The following GMDS variants were observed in gnomAD, a reference collection of about 807,000 sequenced individuals.
GMDS encodes GDP-mannose 4,6-dehydratase.
Under a neutral mutation model 49.9 loss-of-function variants are expected in GMDS, and 20 were observed. That is an observed-to-expected ratio of 0.40 (90% CI 0.28 to 0.58). The LOEUF (loss-of-function observed/expected upper bound fraction) is 0.58. GMDS is among the 20% of genes least tolerant of loss of function. The pLI, the probability that GMDS is intolerant of heterozygous loss-of-function variation, is 0.42. For synonymous variants in GMDS, 177 were observed against 178.6 expected (o/e 0.99, Z 0.07); for missense variants, 362 against 481.4 (o/e 0.75, Z 2.32).
intron 4 of GMDS, among the ~76,000 whole-genome samples, chr6:2,037,574 A>AC (rs1370377425): frequency 6.6e-6 from 1 of 152,232 alleles, no homozygotes; most frequent in Non-Finnish European, 1.5e-5. Context: ...TGTGCCCAGA[A>AC]CAAGAAACCA....
At chr6:1,722,459 T>C (rs533325084) in intron 9 of GMDS, among the ~76,000 whole-genome samples, 8 of 149,722 alleles carry the variant, frequency 5.3e-5, no homozygotes, top group Admixed American at 2.0e-4. Context: ...ATCATTGTAC[T>C]CCTAGGGTCT....
chr6:1,683,912 C>T (rs1266340801), intron 9 of GMDS, among the ~76,000 whole-genome samples: 8 of 151,740 alleles, frequency 5.3e-5, no homozygotes, highest in East Asian at 3.9e-4. Flanking sequence ...GTGGGTTTTG[C>T]GATCGGTAGG....
chr6:1,974,566 A>G (rs1764790084), intron 4 of GMDS, among the ~76,000 whole-genome samples: 1 of 152,174 alleles, frequency 6.6e-6, no homozygotes, highest in South Asian at 2.1e-4. Context: ...CTGATGTTTG[A>G]GACAGGCAGG....
At chr6:1,721,410 T>C (rs1415966850) in intron 9 of GMDS, among the ~76,000 whole-genome samples, 1 of 151,884 alleles carries the variant, frequency 6.6e-6, no homozygotes. Context: ...CAATCACAAC[T>C]GAGGAGATTA....
At chr6:1,862,093 T>C (rs1758215436) in intron 7 of GMDS, among the ~76,000 whole-genome samples, 1 of 152,184 alleles carries the variant, frequency 6.6e-6, no homozygotes, top group South Asian at 2.1e-4. Context: ...AGTACTTAAC[T>C]GGGATTTACA....
At chr6:1,934,694 T>C (rs977993210) in intron 6 of GMDS, among the ~76,000 whole-genome samples, 17 of 152,232 alleles carry the variant, frequency 1.1e-4, no homozygotes, top group Non-Finnish European at 1.9e-4. Context: ...ATTTTAAACA[T>C]TTTTGTAACC....
intron 7 of GMDS, among the ~76,000 whole-genome samples, chr6:1,868,060 C>T (rs1758527677): frequency 6.6e-6 from 1 of 151,914 alleles, no homozygotes; most frequent in Admixed American, 6.6e-5. Flanking sequence ...GATCTTGGCT[C>T]ACTGCAACCT....
chr6:1,878,331 A>AG (rs1489756795), intron 7 of GMDS, among the ~76,000 whole-genome samples: 1 of 151,764 alleles, frequency 6.6e-6, no homozygotes, highest in African/African-American at 2.4e-5. Context: ...AAAAAAAAAA[A>AG]AAAAAAAGTT....
chr6:2,166,774 A>C (rs1777690844), intron 1 of GMDS, among the ~76,000 whole-genome samples: 1 of 152,212 alleles, frequency 6.6e-6, no homozygotes, highest in African/African-American at 2.4e-5. Flanking sequence ...TCACCTGCAA[A>C]AAATGTGGCC....
intron 4 of GMDS, among the ~76,000 whole-genome samples, chr6:2,087,854 G>A (rs1773101081): frequency 6.6e-6 from 1 of 152,102 alleles, no homozygotes; most frequent in Non-Finnish European, 1.5e-5. Flanking sequence ...CTATAATCAA[G>A]GTAGATTATC....
At chr6:2,167,405 T>C (rs972436861) in intron 1 of GMDS, among the ~76,000 whole-genome samples, 2 of 152,178 alleles carry the variant, frequency 1.3e-5, no homozygotes, top group Non-Finnish European at 2.9e-5. Context: ...CTAGTTTCCT[T>C]ACTGGTCATC....
At chr6:2,103,975 T>C (rs1045111534) in intron 4 of GMDS, among the ~76,000 whole-genome samples, 3 of 152,224 alleles carry the variant, frequency 2.0e-5, no homozygotes, top group African/African-American at 7.2e-5. Flanking sequence ...TCTAAAATGC[T>C]GACATTTGAG....
At chr6:1,715,652 T>C (rs1766149665) in intron 9 of GMDS, among the ~76,000 whole-genome samples, 1 of 152,214 alleles carries the variant, frequency 6.6e-6, no homozygotes, top group South Asian at 2.1e-4. Context: ...ATACTCATCG[T>C]TATGTTGTAG....
chr6:2,116,390 ACTC>A (rs1774851516), intron 3 of GMDS, among the ~76,000 whole-genome samples: 1 of 152,116 alleles, frequency 6.6e-6, no homozygotes, highest in African/African-American at 2.4e-5. Context: ...TTGAAGGACA[ACTC>A]CTAAATCTAA....
At chr6:2,122,410 C>CA (rs1353872450) in intron 2 of GMDS, among the ~76,000 whole-genome samples, 1 of 152,112 alleles carries the variant, frequency 6.6e-6, no homozygotes, top group African/African-American at 2.4e-5. Flanking sequence ...TGTTGACCAC[C>CA]ACCACTGCCC....
At chr6:1,779,582 G>A (rs541376224) in intron 7 of GMDS, among the ~76,000 whole-genome samples, 1 of 152,246 alleles carries the variant, frequency 6.6e-6, no homozygotes, top group African/African-American at 2.4e-5. Context: ...TCCTCCATGA[G>A]TGTGCGTCTG....
intron 9 of GMDS, among the ~76,000 whole-genome samples, chr6:1,688,441 G>T (rs1765060012): frequency 6.6e-6 from 1 of 152,138 alleles, no homozygotes; most frequent in African/African-American, 2.4e-5. Flanking sequence ...CTCCTACTTG[G>T]ATCTGCTTCC....
intron 1 of GMDS, among the ~76,000 whole-genome samples, chr6:2,209,272 A>AT (rs546614685): frequency 1.3e-3 from 204 of 152,354 alleles, no homozygotes; most frequent in African/African-American, 4.7e-3. Context: ...TGAACCTGAA[A>AT]TTAGTACATA....
At chr6:1,971,030 T>G (rs1215657487) in intron 4 of GMDS, among the ~76,000 whole-genome samples, 5 of 150,610 alleles carry the variant, frequency 3.3e-5, no homozygotes, top group East Asian at 2.0e-4. Flanking sequence ...TTTGGAAAGG[T>G]GAGGATGAGA....
Sources: gnomAD v4.1 joint callset for allele counts (sites outside exome capture counted in the v4.1 genomes callset) on GRCh38, gnomAD v4.1.1 for gene constraint, MANE v1.5 for transcripts, NCBI Gene and HGNC (gene_info 2026-07-23, HGNC 2026-07-21) for gene names.